The following GRM1 variants were observed in gnomAD, a reference collection of about 807,000 sequenced individuals.
GRM1 encodes the protein glutamate metabotropic receptor 1.
Under a neutral mutation model 90.9 loss-of-function variants are expected in GRM1, and 33 were observed. The observed-to-expected ratio is 0.36, with a 90% confidence interval of 0.28 to 0.49. The LOEUF is 0.49. Among genes scored for constraint, GRM1 ranks in the 20% least tolerant of loss-of-function variants. The probability of loss-of-function intolerance (pLI) is 0.99; values close to 1 mark genes in which losing one functional copy is unlikely to be tolerated. For missense variants in GRM1, 1,190 were observed against 1,534.3 expected, an observed-to-expected ratio of 0.78 and a Z score of 3.75; for synonymous variants, 700 against 613.2, an observed-to-expected ratio of 1.14 and a Z score of -2.09.
chr6:146,307,044 A>T (rs1200835343), intron 3 of GRM1, among the ~76,000 whole-genome samples: 1 of 152,198 alleles, frequency 6.6e-6, no homozygotes, highest in Non-Finnish European at 1.5e-5. Context: ...AAGGATTTCT[A>T]GGAAGATATT....
At chr6:146,363,135 C>T (rs907979468) in intron 5 of GRM1, among the ~76,000 whole-genome samples, 4 of 152,084 alleles carry the variant, frequency 2.6e-5, no homozygotes, top group African/African-American at 9.7e-5. Flanking sequence ...TAATAATATC[C>T]TTCTTTAAAA....
chr6:146,074,736 G>A (rs1776127507), intron 1 of GRM1, among the ~76,000 whole-genome samples: 1 of 152,034 alleles, frequency 6.6e-6, no homozygotes, highest in African/African-American at 2.4e-5. Flanking sequence ...TGGACTTTTT[G>A]TAACAACAAT....
intron 7 of GRM1, among the ~76,000 whole-genome samples, chr6:146,407,566 T>C (rs1056905951): frequency 2.0e-5 from 3 of 152,228 alleles, no homozygotes; most frequent in African/African-American, 7.2e-5. Flanking sequence ...TATTCTCATA[T>C]GTTAATGTGT....
chr6:146,162,603 C>T (rs1449592151), intron 2 of GRM1, among the ~76,000 whole-genome samples: 1 of 152,142 alleles, frequency 6.6e-6, no homozygotes, highest in Admixed American at 6.6e-5. Flanking sequence ...TAGTGTCACT[C>T]ATCACCTCAC....
chr6:146,076,994 C>T (rs750082849), intron 1 of GRM1, among the ~76,000 whole-genome samples: 1 of 152,074 alleles, frequency 6.6e-6, no homozygotes, highest in Non-Finnish European at 1.5e-5. Context: ...TGACCTTGGA[C>T]AAATCTAGAG....
chr6:146,209,729 C>T (rs1237613592), intron 2 of GRM1, among the ~76,000 whole-genome samples: 1 of 152,120 alleles, frequency 6.6e-6, no homozygotes, highest in East Asian at 1.9e-4. Context: ...TGTACATTTA[C>T]ATTACAAATC....
At chr6:146,104,364 T>C (rs907886064) in intron 1 of GRM1, among the ~76,000 whole-genome samples, 2 of 151,278 alleles carry the variant, frequency 1.3e-5, no homozygotes, top group African/African-American at 2.4e-5. Flanking sequence ...GACGTGAACC[T>C]GGGAGGCGGA....
chr6:146,324,254 T>C (rs117815034), intron 3 of GRM1, among the ~76,000 whole-genome samples: 1,723 of 152,162 alleles, frequency 0.011, 72 homozygotes, highest in East Asian at 0.079. Context: ...CACCAAGGTC[T>C]AGCATCCCTG....
intron 2 of GRM1, among the ~76,000 whole-genome samples, chr6:146,167,254 A>G (rs1462648150): frequency 1.3e-5 from 2 of 152,132 alleles, no homozygotes; most frequent in African/African-American, 2.4e-5. Context: ...ATTCCATGGC[A>G]TAGATATATC....
At chr6:146,357,378 A>G (rs1785625708) in intron 4 of GRM1, 148 bp from the exon 5 acceptor site, 1 of 679,198 alleles carries the variant, frequency 1.5e-6, no homozygotes, top group Non-Finnish European at 2.6e-6. Flanking sequence ...ATCAGAGGAA[A>G]CATAAGAAAT....
chr6:146,341,625 G>A (rs748309425), intron 3 of GRM1, among the ~76,000 whole-genome samples: 1 of 152,176 alleles, frequency 6.6e-6, no homozygotes, highest in Non-Finnish European at 1.5e-5. Context: ...AATAACACAT[G>A]ACTCTCTAGA....
At chr6:146,123,373 T>G (rs1439427495) in intron 1 of GRM1, among the ~76,000 whole-genome samples, 6 of 151,988 alleles carry the variant, frequency 3.9e-5, no homozygotes, top group Admixed American at 3.9e-4. Context: ...GCAGAGAGAG[T>G]GCATGTTTGG....
chr6:146,038,721 C>T (rs1220607704), intron 1 of GRM1, among the ~76,000 whole-genome samples: 2 of 151,760 alleles, frequency 1.3e-5, no homozygotes, highest in African/African-American at 4.8e-5. Flanking sequence ...ACAGCATATT[C>T]CACAGCTATT....
intron 2 of GRM1, among the ~76,000 whole-genome samples, chr6:146,221,058 AT>A (rs1181283916): frequency 6.6e-6 from 1 of 152,066 alleles, no homozygotes; most frequent in Non-Finnish European, 1.5e-5. Flanking sequence ...CGTAAAAGCA[AT>A]GGGGACTTGC....
At chr6:146,323,995 C>T (rs980494054) in intron 3 of GRM1, among the ~76,000 whole-genome samples, 3 of 152,140 alleles carry the variant, frequency 2.0e-5, no homozygotes, top group Non-Finnish European at 4.4e-5. Flanking sequence ...TTTACTGTAG[C>T]CTTGTAGTAT....
chr6:146,161,289 A>G (rs1777714522), intron 2 of GRM1, among the ~76,000 whole-genome samples: 1 of 152,200 alleles, frequency 6.6e-6, no homozygotes, highest in Non-Finnish European at 1.5e-5. Context: ...GCTTCGGGGC[A>G]TATAGACTAC....
chr6:146,123,639 C>T lies in GRM1; in HGVS notation c.701-35709C>T, dbSNP rs770370929. On this transcript the variant is annotated intron_variant, in intron 1 of 7. Transcript: ENST00000282753. ...CAATACCCAACTGTGCCTCCAGTCC[C>T]TGCTGTCTTTGATCTTGGTGTTCTT... Among the ~76,000 whole-genome samples the T allele has an allele frequency of 3.3e-5, 5 of 152,328 alleles. No homozygotes were observed. In the South Asian group the frequency reaches 6.2e-4, roughly 19 times the overall value.
intron 2 of GRM1, among the ~76,000 whole-genome samples, chr6:146,254,972 T>A (rs1483413441): frequency 6.6e-6 from 1 of 152,206 alleles, no homozygotes; most frequent in Non-Finnish European, 1.5e-5. Context: ...TTGTATCAAT[T>A]TCATAACTTT....
chr6:146,162,579 G>A (rs1051302376), intron 2 of GRM1, among the ~76,000 whole-genome samples: 4 of 152,120 alleles, frequency 2.6e-5, no homozygotes, highest in Non-Finnish European at 5.9e-5. Context: ...GATCTTCTAA[G>A]AAATTAAGTC....
Sources: gnomAD v4.1 joint callset for allele counts (sites outside exome capture counted in the v4.1 genomes callset) on GRCh38, gnomAD v4.1.1 for gene constraint, MANE v1.5 for transcripts, NCBI Gene and HGNC (gene_info 2026-07-23, HGNC 2026-07-21) for gene names.